PSD3: variants seen among roughly 807,000 people sequenced by gnomAD.
PSD3 encodes the protein pleckstrin and Sec7 domain containing 3.
In PSD3, 49 loss-of-function variants were observed where a neutral mutation model predicts 105.5. The ratio of observed to expected loss-of-function variants is 0.46; its 90% CI spans 0.37 to 0.59. The LOEUF (loss-of-function observed/expected upper bound fraction) is 0.59. Among genes scored for constraint, PSD3 ranks in the 20% least tolerant of loss-of-function variants. The probability of loss-of-function intolerance (pLI) is 0.00; values close to 1 mark genes in which losing one functional copy is unlikely to be tolerated. For missense variants in PSD3, 1,561 were observed against 1,263.8 expected, an observed-to-expected ratio of 1.24 and a Z score of -3.57; for synonymous variants, 557 against 457.8, an observed-to-expected ratio of 1.22 and a Z score of -2.77.
At chr8:18,998,071 A>G (rs1191797963) in intron 1 of PSD3, among the ~76,000 whole-genome samples, 1 of 151,800 alleles carries the variant, frequency 6.6e-6, no homozygotes, top group Non-Finnish European at 1.5e-5. Flanking sequence ...CCTGCCTCAT[A>G]GGAGACACTC....
chr8:18,867,159 C>T (rs867528685), intron 4 of PSD3, among the ~76,000 whole-genome samples: 13 of 152,192 alleles, frequency 8.5e-5, no homozygotes, highest in South Asian at 2.1e-4. Flanking sequence ...TCTGTCTAAT[C>T]GGATCCTTCC....
chr8:18,644,753 C>T (rs978065209), intron 10 of PSD3, among the ~76,000 whole-genome samples: 2 of 152,178 alleles, frequency 1.3e-5, no homozygotes, highest in African/African-American at 4.8e-5. Context: ...TCCACATTTT[C>T]AGCTTATTGT....
intron 1 of PSD3, among the ~76,000 whole-genome samples, chr8:19,083,807 C>A (rs1163647582): frequency 6.6e-6 from 1 of 152,190 alleles, no homozygotes; most frequent in Non-Finnish European, 1.5e-5. Flanking sequence ...AGCTGTGGAG[C>A]TCTATTTCTC....
At chr8:18,692,331 C>T (rs148441503) in intron 9 of PSD3, among the ~76,000 whole-genome samples, 183 of 152,216 alleles carry the variant, frequency 1.2e-3, no homozygotes, top group Middle Eastern at 6.8e-3. Context: ...TGTGCCAATA[C>T]AATGGAAGAG....
intron 8 of PSD3, among the ~76,000 whole-genome samples, chr8:18,797,037 C>G (rs1481933525): frequency 6.6e-6 from 1 of 151,848 alleles, no homozygotes; most frequent in Non-Finnish European, 1.5e-5. Flanking sequence ...AAGCTACATC[C>G]AGAATTATGG....
In PSD3 at chr8:19,078,667, G is replaced by C. The variant is rs533500820; in HGVS notation, c.324+5539C>G. Among the ~76,000 whole-genome samples, 6 of 151,988 alleles carry C rather than the reference G, an allele frequency of 3.9e-5. No homozygotes were observed. The South Asian group carries it at 1.3e-3, about 32-fold the overall frequency. ...CACAATGTGAGCCGCACCTACCTCT[G>C]TGCCCACCATAGTAGACTTAGTGGG... On this transcript the variant is annotated intron_variant, in intron 1 of 1. Transcript: ENST00000521475.
intron 11 of PSD3, among the ~76,000 whole-genome samples, chr8:18,602,669 C>T (rs940080206): frequency 5.9e-5 from 9 of 151,976 alleles, no homozygotes; most frequent in Admixed American, 3.3e-4. Context: ...TTCCATCTTA[C>T]GTGAGACAGA....
At chr8:18,673,029 A>T (rs1046622423) in intron 9 of PSD3, among the ~76,000 whole-genome samples, 2 of 152,210 alleles carry the variant, frequency 1.3e-5, no homozygotes, top group East Asian at 3.8e-4. Flanking sequence ...AAAAATTACT[A>T]AAAGGTATGT....
chr8:18,894,453 C>A (rs1193247178), intron 2 of PSD3, among the ~76,000 whole-genome samples: 1 of 152,140 alleles, frequency 6.6e-6, no homozygotes, highest in Admixed American at 6.5e-5. Context: ...CCTCACAGTT[C>A]CGTTGTGTGA....
intron 1 of PSD3, among the ~76,000 whole-genome samples, chr8:18,969,514 T>A (rs1306970888): frequency 2.0e-5 from 3 of 152,250 alleles, no homozygotes; most frequent in African/African-American, 7.2e-5. Flanking sequence ...AAAAAAATTA[T>A]GTTATACCAA....
intron 1 of PSD3, among the ~76,000 whole-genome samples, chr8:18,958,396 T>A (rs1170025316): frequency 1.4e-4 from 21 of 152,222 alleles, no homozygotes; most frequent in Non-Finnish European, 1.5e-5. Context: ...CATACACATG[T>A]ATTACTATTT....
At chr8:18,983,334 T>C (rs1252556180) in intron 1 of PSD3, among the ~76,000 whole-genome samples, 1 of 152,252 alleles carries the variant, frequency 6.6e-6, no homozygotes, top group Non-Finnish European at 1.5e-5. Context: ...AGGCTTCTGC[T>C]TTCTTATCTT....
chr8:18,781,507 G>C (rs964681918), intron 8 of PSD3, among the ~76,000 whole-genome samples: 3 of 152,118 alleles, frequency 2.0e-5, no homozygotes. Flanking sequence ...TTGAACTTTG[G>C]GGGTAGGGTT....
intron 1 of PSD3, among the ~76,000 whole-genome samples, chr8:19,033,733 T>C (rs768781016): frequency 6.6e-6 from 1 of 152,060 alleles, no homozygotes; most frequent in Non-Finnish European, 1.5e-5. Flanking sequence ...CTCCCAGGAA[T>C]TGAAGTCTCA....
Position 18,531,677 on chromosome 8 carries a change from C to A in PSD3, c.*4066G>T, listed in dbSNP as rs561029896. The A allele has an allele frequency of 6.6e-6, 1 of 152,216 alleles. No individual in the cohort carries two copies. Among genetic ancestry groups the A allele is most frequent in the Non-Finnish European group, 1.5e-5 (1 of 68,048 alleles). The allele number at this position is 152,216 out of a possible 1,614,324, so 9.4% of individuals were successfully genotyped here. The stretch of plus-strand genomic sequence containing the variant: ...GCAAAGCTGACTTACCATTTTCTGT[C>A]AGAATAACTTAGATGCTTTGAGACA... On this transcript the variant is annotated 3_prime_UTR_variant, in exon 16 of 16. Transcript: ENST00000327040.
intron 7 of PSD3, among the ~76,000 whole-genome samples, chr8:18,799,993 G>C (rs1398057555): frequency 6.6e-6 from 1 of 152,164 alleles, no homozygotes; most frequent in Non-Finnish European, 1.5e-5. Flanking sequence ...CTTTAGTATA[G>C]TAGGTGATTT....
intron 4 of PSD3, among the ~76,000 whole-genome samples, chr8:18,822,743 G>A (rs1812845842): frequency 6.6e-6 from 1 of 152,126 alleles, no homozygotes. Flanking sequence ...AGAGAACACT[G>A]ACATTTCAGA....
intron 9 of PSD3, among the ~76,000 whole-genome samples, chr8:18,726,787 A>G (rs1585743494): frequency 6.6e-6 from 1 of 152,206 alleles, no homozygotes; most frequent in East Asian, 1.9e-4. Flanking sequence ...TACTATCTTA[A>G]TGTTCCAACC....
intron 1 of PSD3, among the ~76,000 whole-genome samples, chr8:18,942,755 C>G (rs1345238742): frequency 6.6e-6 from 1 of 152,194 alleles, no homozygotes; most frequent in Non-Finnish European, 1.5e-5. Context: ...TCTCGAATTT[C>G]TACTCTCTAG....
Sources: allele counts gnomAD v4.1 joint callset (sites outside exome capture counted in the v4.1 genomes callset), GRCh38; gene constraint gnomAD v4.1.1; transcripts MANE v1.5; gene names NCBI Gene and HGNC (gene_info 2026-07-23, HGNC 2026-07-21).